Variants in NEDD4L observed in about 807,000 individuals in gnomAD.
NEDD4L encodes E3 ubiquitin-protein ligase NEDD4-like.
A neutral mutation model predicts 148.9 loss-of-function variants in NEDD4L; 54 were observed. The ratio of observed to expected loss-of-function variants is 0.36; its 90% CI spans 0.29 to 0.45. The LOEUF (loss-of-function observed/expected upper bound fraction) is 0.45, where lower values mean the gene tolerates loss of function less well. NEDD4L is among the 20% of genes least tolerant of loss of function. The pLI, the probability that NEDD4L is intolerant of heterozygous loss-of-function variation, is 1.00. For synonymous variants in NEDD4L, 433 were observed against 440.7 expected, an observed-to-expected ratio of 0.98 and a Z score of 0.22; for missense variants, 856 against 1,233.8, an observed-to-expected ratio of 0.69 and a Z score of 4.59.
At position 58,330,758 on chromosome 18, in the gene NEDD4L, G is replaced by A. The variant is rs1180649816; in HGVS notation, c.834G>A (p.Glu278=). 1 of 1,603,368 alleles carries A rather than the reference G, an allele frequency of 6.2e-7. No homozygotes were observed. Among genetic ancestry groups the A allele is most frequent in the Non-Finnish European group, 8.5e-7 (1 of 1,173,230 alleles). Residue 278 remains glutamate (E), a synonymous_variant, in exon 11 of 31, where the codon GAG becomes GAA. Coordinates refer to ENST00000400345, the MANE Select transcript of NEDD4L (RefSeq NM_001144967.3). ...DVPEPWETIS[E]EVNIAGDSLG... ...GAAAGCCTTGGGAGACCATTTCAGA[G>A]GAAGTGAATATCGCTGGAGACTCTC...
Position 58,357,139 on chromosome 18 carries a change from A to G in NEDD4L, c.1709-55A>G, listed in dbSNP as rs1257244400. 8 of 1,477,474 alleles carry G rather than the reference A, an allele frequency of 5.4e-6. No individual in the cohort carries two copies. In the East Asian group the frequency reaches 1.7e-4, roughly 31 times the overall value. 91.5% of individuals were successfully genotyped at this position (1,477,474 alleles called of 1,614,324 possible). The stretch of plus-strand genomic sequence containing the variant: ...CTTCCTTCCAAAACTTTCTTTACAT[A>G]GAATAGATTTGAACTAATGTTCTGA... On this transcript the variant is annotated intron_variant, in intron 18 of 30. Coordinates refer to ENST00000400345, the MANE Select transcript of NEDD4L (RefSeq NM_001144967.3).
chr18:58,162,376 CA>C (rs2036326701), intron 1 of NEDD4L, among the ~76,000 whole-genome samples: 1 of 152,050 alleles, frequency 6.6e-6, no homozygotes, highest in South Asian at 2.1e-4. Context: ...GGCTTGCTGT[CA>C]GCTCTTCCTG....
At chr18:58,060,700 G>T (rs1892272762) in intron 1 of NEDD4L, among the ~76,000 whole-genome samples, 1 of 152,132 alleles carries the variant, frequency 6.6e-6, no homozygotes, top group South Asian at 2.1e-4. Context: ...TAGTACAGTG[G>T]CTCTAAACTG....
chr18:58,167,432 T>C (rs369598606), intron 2 of NEDD4L, among the ~76,000 whole-genome samples: 1 of 152,314 alleles, frequency 6.6e-6, no homozygotes, highest in Non-Finnish European at 1.5e-5. Flanking sequence ...ACAAATTTGC[T>C]CTCTACCAAA....
At chr18:58,150,400 A>C (rs2034574411) in intron 1 of NEDD4L, among the ~76,000 whole-genome samples, 1 of 152,094 alleles carries the variant, frequency 6.6e-6, no homozygotes, top group African/African-American at 2.4e-5. Flanking sequence ...ACACCTGACT[A>C]ATTTTAGTAG....
At chr18:58,250,437 C>A (rs1350490683) in intron 4 of NEDD4L, among the ~76,000 whole-genome samples, 1 of 152,162 alleles carries the variant, frequency 6.6e-6, no homozygotes, top group Non-Finnish European at 1.5e-5. Context: ...TTCTTAAGGT[C>A]TTTATATTTA....
At chr18:58,172,348 C>T (rs2037611458) in intron 2 of NEDD4L, among the ~76,000 whole-genome samples, 2 of 152,122 alleles carry the variant, frequency 1.3e-5, no homozygotes, top group African/African-American at 2.4e-5. Context: ...AGGGACAAGT[C>T]CTTGGTGTTT....
Position 58,395,968 on chromosome 18 carries a change from A to G in NEDD4L, c.2826-199A>G, listed in dbSNP as rs77412703. On this transcript the variant is annotated intron_variant, in intron 30 of 30. Coordinates refer to ENST00000400345, the MANE Select transcript of NEDD4L (RefSeq NM_001144967.3). ...CAAAGGTTTCATGGACCATTTGAAAATGTTCTTTCTCTGTAAATTACAAGA... is the reference window on the plus strand; with the variant it reads ...CAAAGGTTTCATGGACCATTTGAAAGTGTTCTTTCTCTGTAAATTACAAGA... Among the ~76,000 whole-genome samples, 2,218 of 152,178 alleles carry G rather than the reference A, an allele frequency of 0.015. 56 individuals are homozygous for G. The highest frequency in any genetic ancestry group is 0.051 in the African/African-American group (2,126 of 41,514).
At chr18:58,324,160 T>G (rs2059101533) in intron 8 of NEDD4L, among the ~76,000 whole-genome samples, 1 of 152,342 alleles carries the variant, frequency 6.6e-6, no homozygotes, top group East Asian at 1.9e-4. Flanking sequence ...TTTATGAATG[T>G]TAACATTTCA....
chr18:58,321,584 A>G (rs543663221), intron 6 of NEDD4L, among the ~76,000 whole-genome samples: 2 of 152,380 alleles, frequency 1.3e-5, no homozygotes, highest in East Asian at 1.9e-4. Flanking sequence ...AGAGAATGAC[A>G]TAAACAGATA....
At chr18:58,115,370 C>G (rs143809209) in intron 1 of NEDD4L, among the ~76,000 whole-genome samples, 64 of 151,704 alleles carry the variant, frequency 4.2e-4, no homozygotes, top group African/African-American at 1.4e-3. Flanking sequence ...AGGGGAGATG[C>G]AATTCCCTGC....
intron 1 of NEDD4L, among the ~76,000 whole-genome samples, chr18:58,162,363 C>T (rs1229300695): frequency 3.3e-5 from 5 of 152,020 alleles, no homozygotes; most frequent in Non-Finnish European, 7.4e-5. Flanking sequence ...CCCCATCAAA[C>T]GGGGCTTGCT....
intron 1 of NEDD4L, among the ~76,000 whole-genome samples, chr18:58,124,967 A>G (rs530326031): frequency 3.3e-5 from 5 of 152,288 alleles, no homozygotes; most frequent in East Asian, 1.9e-4. Context: ...CAGTGGTCCA[A>G]TCATAGCTCA....
At chr18:58,224,790 C>G (rs778179361) in intron 2 of NEDD4L, among the ~76,000 whole-genome samples, 10 of 152,190 alleles carry the variant, frequency 6.6e-5, no homozygotes, top group African/African-American at 2.2e-4. Flanking sequence ...CTCCCTTTCA[C>G]TTGTCTGTTT....
At chr18:58,255,094 C>G (rs1236385948) in intron 5 of NEDD4L, among the ~76,000 whole-genome samples, 1 of 152,190 alleles carries the variant, frequency 6.6e-6, no homozygotes, top group African/African-American at 2.4e-5. Flanking sequence ...ACCGTGTGTG[C>G]TGTTAAACAT....
At chr18:58,142,548 G>A (rs563217596) in intron 1 of NEDD4L, among the ~76,000 whole-genome samples, 19 of 152,288 alleles carry the variant, frequency 1.2e-4, no homozygotes, top group African/African-American at 4.6e-4. Flanking sequence ...AGACCTCAGA[G>A]GATTGCTGAG....
intron 4 of NEDD4L, among the ~76,000 whole-genome samples, 194 bp downstream of exon 4, chr18:58,249,131 T>C (rs932523610): frequency 6.6e-6 from 1 of 152,194 alleles, no homozygotes; most frequent in East Asian, 1.9e-4. Flanking sequence ...ACTTGTTTCA[T>C]TGGGGAGTGT....
Position 58,256,719 on chromosome 18 carries a change from A to G in NEDD4L, c.297+4665A>G. 8.1e-7 allele frequency: 1 copy of G among 1,232,218 alleles called. No individual in the cohort carries two copies. 76.3% of individuals were successfully genotyped at this position (1,232,218 alleles called of 1,614,324 possible). A position where few individuals can be genotyped will look rare whatever the true frequency, so the allele number is the denominator to read the frequency against. On this transcript the variant is annotated intron_variant, in intron 5 of 30. Transcript: ENST00000400345. The surrounding 1 kb of genome is among the most constrained non-coding windows in gnomAD (Gnocchi z 5.2). ...ACCCGGGGGCCGGAAGAAGCTCCCC[A>G]GAATCCCGAGGAGAAAAGCGCCAAA...
intron 1 of NEDD4L, among the ~76,000 whole-genome samples, chr18:58,096,407 TTTTATTTTA>T (rs1216790690): frequency 9.4e-4 from 121 of 129,356 alleles, no homozygotes; most frequent in Non-Finnish European, 1.7e-3. Flanking sequence ...TTTTATTTTA[TTTTATTTTA>T]TTTATTTGAC....
Sources: gnomAD v4.1 joint callset for allele counts (sites outside exome capture counted in the v4.1 genomes callset) on GRCh38, gnomAD v4.1.1 for gene constraint, Gnocchi (gnomAD v3.1) non-coding constraint, MANE v1.5 for transcripts, NCBI Gene and HGNC (gene_info 2026-07-23, HGNC 2026-07-21) for gene names.